The following SLC22A16 variants were observed in gnomAD, a reference collection of about 807,000 sequenced individuals.
The protein encoded by SLC22A16 is WUGSC:RG331P03.1.
In SLC22A16, 53 loss-of-function variants were observed where a neutral mutation model predicts 52.9. The ratio of observed to expected loss-of-function variants is 1.00; its 90% CI spans 0.80 to 1.26. The LOEUF (loss-of-function observed/expected upper bound fraction) is 1.26, where lower values mean the gene tolerates loss of function less well. Among genes scored for constraint, SLC22A16 ranks in the 50% most tolerant of loss-of-function variants. SLC22A16 has a pLI of 0.00. For synonymous variants in SLC22A16, 291 were observed against 268.8 expected (o/e 1.08, Z -0.81); for missense variants, 726 against 704.0 (o/e 1.03, Z -0.35).
At position 110,446,924 on chromosome 6, in the gene SLC22A16, C is replaced by T. The variant is rs377346650; in HGVS notation, c.600G>A (p.Ala200=). ...TGAAGGTGTAATAATCAACTGCAAA[C>T]GCCGCTGCTATTCCAAACAAAAACA... ...SSMFLFGIAA[A]FAVDYYTFMA... is the part of the protein sequence containing the mutation. The change falls in exon 3 of 8, where the codon GCG becomes GCA. Residue 200 remains alanine, a synonymous_variant. Coordinates refer to ENST00000368919, the MANE Select transcript of SLC22A16 (RefSeq NM_033125.4). The T allele has an allele frequency of 2.7e-5, 44 of 1,613,876 alleles. No homozygotes were observed. Among genetic ancestry groups the T allele is most frequent in the African/African-American group, 4.0e-5 (3 of 75,022 alleles).
rs1554229887 is a variant in SLC22A16, at chr6:110,476,507, G to GCCCCCCCCCCCCCCCCCCACC, written c.53+14_53+15insGGTGGGGGGGGGGGGGGGGGG. The stretch of plus-strand genomic sequence containing the variant: ...GCCGCCTCCCGCGTGGCGCCGCGGG[G>GCCCCCCCCCCCCCCCCCCACC]CCCCTCCCCCATACCTGCCGAAGTG... On this transcript the variant is annotated intron_variant, in intron 1 of 7. Transcript: ENST00000368919. 2 of 1,072,996 alleles carry GCCCCCCCCCCCCCCCCCCACC rather than the reference G, an allele frequency of 1.9e-6. No individual in the cohort carries two copies. The highest frequency in any genetic ancestry group is 5.6e-5 in the African/African-American group (2 of 35,464). The allele number at this position is 1,072,996 out of a possible 1,614,324, so 66.5% of individuals were successfully genotyped here.
Position 110,476,598 on chromosome 6 carries a change from G to T in SLC22A16, c.-24C>A, listed in dbSNP as rs1452614477. 6.6e-7 allele frequency: 1 copy of T among 1,520,784 alleles called. No individual in the cohort carries two copies. The highest frequency in any genetic ancestry group is 1.4e-5 in the African/African-American group (1 of 69,100). 94.2% of individuals were successfully genotyped at this position (1,520,784 alleles called of 1,614,324 possible). On this transcript the variant is annotated 5_prime_UTR_variant, in exon 1 of 8. Coordinates refer to ENST00000368919, the MANE Select transcript of SLC22A16 (RefSeq NM_033125.4). ...ATGGTGCGGCCGTGCACTGGGCGCC[G>T]AGTTAGCCGAGCTCCGGGGACTGCG... is the stretch of plus-strand genomic sequence containing the variant.
At chr6:110,425,654 G>A (rs1042465925) in intron 7 of SLC22A16, among the ~76,000 whole-genome samples, 1 of 152,214 alleles carries the variant, frequency 6.6e-6, no homozygotes, top group African/African-American at 2.4e-5. Flanking sequence ...TATGGGGCAG[G>A]GATCCATATA....
chr6:110,443,401 A>G (rs1214990625), intron 3 of SLC22A16, among the ~76,000 whole-genome samples: 1 of 152,224 alleles, frequency 6.6e-6, no homozygotes, highest in Non-Finnish European at 1.5e-5. Flanking sequence ...CCAATTCAAA[A>G]ATGGGCAAAG....
At position 110,424,983 on chromosome 6, in the gene SLC22A16, G is replaced by A; in HGVS notation, c.1624C>T (p.Leu542=). 1 of 1,614,156 alleles carries A rather than the reference G, an allele frequency of 6.2e-7. No homozygotes were observed. The highest frequency in any genetic ancestry group is 1.6e-4 in the Middle Eastern group (1 of 6,062). Reference sequence around the variant, plus strand: ...GACTTGCTTTCATTCTCTGACTCCAGTTTTGCAGCCTCCTCCCAAGTAGTT... The same window carrying A: ...GACTTGCTTTCATTCTCTGACTCCAATTTTGCAGCCTCCTCCCAAGTAGTT... ...LATTWEEAAK[L]ESENESKSSK... Residue 542 remains leucine (L), a synonymous_variant, in exon 8 of 8, where the codon CTG becomes TTG. Coordinates refer to ENST00000368919, the MANE Select transcript of SLC22A16 (RefSeq NM_033125.4).
intron 1 of SLC22A16, among the ~76,000 whole-genome samples, chr6:110,459,409 T>C (rs1431250162): frequency 6.6e-6 from 1 of 152,294 alleles, no homozygotes; most frequent in South Asian, 2.1e-4. Context: ...TCTGTTGTTG[T>C]CTTTCCAAAA....
Position 110,456,970 on chromosome 6 carries a change from C to A in SLC22A16, c.101G>T (p.Cys34Phe). 1.3e-6 allele frequency: 2 copies of A among 1,580,094 alleles called. No individual in the cohort carries two copies. The highest frequency in any genetic ancestry group is 1.7e-6 in the Non-Finnish European group (2 of 1,164,196). ...CACAGAAGCCAAGTAGTGAATACCACAAGAGATGTTCTGGAAGGCACATAT... is the reference window on the plus strand; with the variant it reads ...CACAGAAGCCAAGTAGTGAATACCAAAAGAGATGTTCTGGAAGGCACATAT... ...YFICAFQNISCGIHYLASVFM... is the reference protein window; with the variant it reads ...YFICAFQNISFGIHYLASVFM... Residue 34 changes from cysteine to phenylalanine, a missense_variant, in exon 2 of 8, where the codon TGT becomes TTT. Cys to Phe is a radical substitution (Grantham distance 205, BLOSUM62 -2). Coordinates refer to ENST00000368919, the MANE Select transcript of SLC22A16 (RefSeq NM_033125.4).
chr6:110,426,635 A>G (rs1774266300), intron 7 of SLC22A16, among the ~76,000 whole-genome samples: 1 of 151,792 alleles, frequency 6.6e-6, no homozygotes, highest in African/African-American at 2.4e-5. Flanking sequence ...TCTGCTGGCT[A>G]TTTTCCCTTG....
intron 2 of SLC22A16, among the ~76,000 whole-genome samples, chr6:110,453,161 T>A (rs147939737): frequency 6.6e-6 from 1 of 152,344 alleles, no homozygotes; most frequent in African/African-American, 2.4e-5. Flanking sequence ...TAATGCAATG[T>A]CCAGTTTTTA....
intron 1 of SLC22A16, among the ~76,000 whole-genome samples, chr6:110,463,377 G>C (rs1775953029): frequency 6.6e-6 from 1 of 151,166 alleles, no homozygotes; most frequent in Non-Finnish European, 1.5e-5. Context: ...CTACCTACAA[G>C]AGACCACTTA....
intron 7 of SLC22A16, among the ~76,000 whole-genome samples, chr6:110,429,253 TG>T (rs1774399206): frequency 6.6e-6 from 1 of 152,128 alleles, no homozygotes; most frequent in Non-Finnish European, 1.5e-5. Flanking sequence ...ACAGCCCACA[TG>T]GTTTCTTAAC....
chr6:110,456,218 G>T, intron 2 of SLC22A16: 1 of 274,718 alleles, frequency 3.6e-6, no homozygotes, highest in African/African-American at 2.2e-5. Flanking sequence ...TATTAATTTT[G>T]CAATAATCCT....
At chr6:110,429,513 C>G (rs1174339561) in intron 7 of SLC22A16, among the ~76,000 whole-genome samples, 1 of 152,214 alleles carries the variant, frequency 6.6e-6, no homozygotes, top group Non-Finnish European at 1.5e-5. Flanking sequence ...CATGACTTCA[C>G]TGATATTATT....
chr6:110,450,445 C>A (rs1171252078), intron 2 of SLC22A16, among the ~76,000 whole-genome samples: 1 of 151,686 alleles, frequency 6.6e-6, no homozygotes, highest in African/African-American at 2.4e-5. Flanking sequence ...AACCCCTACT[C>A]TGCTGAAAAT....
chr6:110,466,587 A>G (rs543562021), intron 1 of SLC22A16, among the ~76,000 whole-genome samples: 41 of 152,154 alleles, frequency 2.7e-4, no homozygotes, highest in African/African-American at 9.7e-4. Context: ...ACCATCTCAT[A>G]CCATTCAGAA....
At position 110,456,629 on chromosome 6, in the gene SLC22A16, A is replaced by C. The variant is rs1775665979; in HGVS notation, c.442T>G (p.Cys148Gly). The C allele has an allele frequency of 6.2e-7, 1 of 1,614,096 alleles. No individual in the cohort carries two copies. The part of the protein sequence containing the change: ...STAVTQWNLV[C>G]DRKWLAMLIQ... Reference sequence around the variant, plus strand: ...AGCATTGCAAGCCATTTTCGGTCACAGACCAGGTTCCACTGGGTCACCGCA... The same window carrying C: ...AGCATTGCAAGCCATTTTCGGTCACCGACCAGGTTCCACTGGGTCACCGCA... Residue 148 changes from cysteine to glycine, a missense_variant, in exon 2 of 8, where the codon TGT becomes GGT. By Grantham distance (159) the Cys-to-Gly change is radical. Transcript: ENST00000368919.
At position 110,442,721 on chromosome 6, in the gene SLC22A16, T is replaced by G. The variant is rs1035130428; in HGVS notation, c.706A>C (p.Met236Leu). Residue 236 changes from methionine (M) to leucine (L), a missense_variant, in exon 4 of 8, where the codon ATG becomes CTG. Coordinates refer to ENST00000368919, the MANE Select transcript of SLC22A16 (RefSeq NM_033125.4). ...GFVYVMEFIG[M>L]KSRTWASVHL... Reference sequence around the variant, plus strand: ...ACAGACGCCCATGTCCGAGACTTCATGCCAATGAATTCCATCACATAGACA... The same window carrying G: ...ACAGACGCCCATGTCCGAGACTTCAGGCCAATGAATTCCATCACATAGACA... The G allele has an allele frequency of 6.2e-7, 1 of 1,614,154 alleles. No homozygotes were observed. The highest frequency in any genetic ancestry group is 2.2e-5 in the East Asian group (1 of 44,884).
At chr6:110,471,449 C>A (rs1463009135) in intron 1 of SLC22A16, among the ~76,000 whole-genome samples, 1 of 152,200 alleles carries the variant, frequency 6.6e-6, no homozygotes, top group Non-Finnish European at 1.5e-5. Context: ...GCAAGAAAGG[C>A]AACTCATATA....
chr6:110,442,249 A>C lies in SLC22A16; in HGVS notation c.1178T>G (p.Leu393Arg), dbSNP rs1774995573. ...AATATACTGTAACTACTTACCCAGG[A>C]GGAAGAGGTTTAAGTATTCATTGCC... ...LGGNEYLNLF[L>R]LGVVEIPAYT... The change falls in exon 4 of 8, where the codon CTC becomes CGC. Residue 393 changes from leucine (L) to arginine (R), a missense_variant. By Grantham distance (102) the Leu-to-Arg change is moderately radical. Coordinates refer to ENST00000368919, the MANE Select transcript of SLC22A16 (RefSeq NM_033125.4). 2 of 1,613,310 alleles carry C rather than the reference A, an allele frequency of 1.2e-6. No individual in the cohort carries two copies. The highest frequency in any genetic ancestry group is 1.7e-6 in the Non-Finnish European group (2 of 1,179,558).
Sources: allele counts gnomAD v4.1 joint callset (sites outside exome capture counted in the v4.1 genomes callset), GRCh38; gene constraint gnomAD v4.1.1; transcripts MANE v1.5; gene names NCBI Gene and HGNC (gene_info 2026-07-23, HGNC 2026-07-21).